The following GRIN3A variants were observed in gnomAD, a reference collection of about 807,000 sequenced individuals.
The protein encoded by GRIN3A is glutamate receptor ionotropic, NMDA 3A.
A neutral mutation model predicts 92.4 loss-of-function variants in GRIN3A; 47 were observed. The observed-to-expected ratio is 0.51, with a 90% CI of 0.40 to 0.65. The LOEUF (loss-of-function observed/expected upper bound fraction) is 0.65. Among genes scored for constraint, GRIN3A ranks in the 30% least tolerant of loss-of-function variants. The pLI is 0.00. For synonymous variants in GRIN3A, 527 were observed against 540.6 expected, an observed-to-expected ratio of 0.97 and a Z score of 0.35; for missense variants, 1,324 against 1,393.1, an observed-to-expected ratio of 0.95 and a Z score of 0.79.
At chr9:101,649,054 C>T (rs1205939829) in intron 3 of GRIN3A, among the ~76,000 whole-genome samples, 1 of 151,980 alleles carries the variant, frequency 6.6e-6, no homozygotes, top group Admixed American at 6.6e-5. Flanking sequence ...TAAATTGATG[C>T]CTTTCCATTG....
intron 3 of GRIN3A, among the ~76,000 whole-genome samples, chr9:101,668,461 C>A (rs1305632623): frequency 6.6e-6 from 1 of 151,928 alleles, no homozygotes; most frequent in Non-Finnish European, 1.5e-5. Context: ...ATCTAAGTTT[C>A]TAGTGAGGCT....
intron 2 of GRIN3A, among the ~76,000 whole-genome samples, chr9:101,681,209 G>C (rs1829462233): frequency 6.6e-6 from 1 of 152,140 alleles, no homozygotes; most frequent in Non-Finnish European, 1.5e-5. Context: ...TGCAGCAAGG[G>C]AGTAAATGTG....
chr9:101,695,403 C>G (rs1038626542), intron 1 of GRIN3A, among the ~76,000 whole-genome samples: 4 of 152,142 alleles, frequency 2.6e-5, no homozygotes, highest in South Asian at 2.1e-4. Context: ...AGGAATAAGA[C>G]AGTAGCAGAC....
chr9:101,701,899 C>T (rs1829760028), intron 1 of GRIN3A, among the ~76,000 whole-genome samples: 1 of 152,154 alleles, frequency 6.6e-6, no homozygotes, highest in Non-Finnish European at 1.5e-5. Context: ...CCTGAGATCT[C>T]CCACCAGCTT....
intron 3 of GRIN3A, among the ~76,000 whole-genome samples, chr9:101,656,897 CT>C (rs979957090): frequency 6.6e-6 from 1 of 151,740 alleles, no homozygotes; most frequent in African/African-American, 2.4e-5. Context: ...TGCCAGTTGC[CT>C]TTTTTTCTGG....
chr9:101,672,246 A>C (rs1297452765), intron 2 of GRIN3A, among the ~76,000 whole-genome samples: 1 of 152,180 alleles, frequency 6.6e-6, no homozygotes, highest in Non-Finnish European at 1.5e-5. Context: ...TACTTCCTTC[A>C]TTACAAGAGT....
At chr9:101,587,467 G>A (rs1827964718) in intron 6 of GRIN3A, among the ~76,000 whole-genome samples, 1 of 152,144 alleles carries the variant, frequency 6.6e-6, no homozygotes, top group Non-Finnish European at 1.5e-5. Context: ...AACGGGTGGA[G>A]CCTGTTTTAG....
intron 3 of GRIN3A, among the ~76,000 whole-genome samples, chr9:101,665,679 A>G (rs920670465): frequency 6.6e-6 from 1 of 151,960 alleles, no homozygotes; most frequent in Admixed American, 6.6e-5. Flanking sequence ...CAGAAAAACA[A>G]ATGTCCCAAA....
intron 1 of GRIN3A, among the ~76,000 whole-genome samples, chr9:101,715,342 G>T (rs1166802626): frequency 1.3e-5 from 2 of 152,210 alleles, no homozygotes; most frequent in East Asian, 1.9e-4. Flanking sequence ...CATATTAAAT[G>T]AAATAATCTA....
intron 2 of GRIN3A, among the ~76,000 whole-genome samples, chr9:101,680,573 A>T (rs1829455004): frequency 6.6e-6 from 1 of 152,224 alleles, no homozygotes; most frequent in Non-Finnish European, 1.5e-5. Context: ...TAGCACCAGC[A>T]GAGTATAATC....
intron 3 of GRIN3A, among the ~76,000 whole-genome samples, chr9:101,654,437 A>C (rs1829057149): frequency 6.6e-6 from 1 of 151,718 alleles, no homozygotes; most frequent in South Asian, 2.1e-4. Flanking sequence ...TGCATATCAT[A>C]TATATGTGTA....
intron 3 of GRIN3A, among the ~76,000 whole-genome samples, chr9:101,634,436 TATA>T (rs920708727): frequency 2.0e-5 from 3 of 150,600 alleles, no homozygotes; most frequent in African/African-American, 7.3e-5. Context: ...TATCTGAATA[TATA>T]ATAATAATAA....
At chr9:101,574,400 A>T (rs1427208840) in intron 8 of GRIN3A, among the ~76,000 whole-genome samples, 1 of 152,206 alleles carries the variant, frequency 6.6e-6, no homozygotes, top group Non-Finnish European at 1.5e-5. Context: ...TAGGAGAAGA[A>T]GCAGGAGGAG....
chr9:101,575,176 A>G (rs1827810727), intron 8 of GRIN3A, among the ~76,000 whole-genome samples: 1 of 152,206 alleles, frequency 6.6e-6, no homozygotes. Context: ...AACATGCCTC[A>G]TAGTCTAAGT....
chr9:101,627,213 G>A (rs188739255), intron 4 of GRIN3A, among the ~76,000 whole-genome samples: 39 of 152,278 alleles, frequency 2.6e-4, no homozygotes, highest in Non-Finnish European at 3.7e-4. Flanking sequence ...ATGTGTTGAT[G>A]TTCTTGCAAA....
At chr9:101,644,832 G>A (rs533768912) in intron 3 of GRIN3A, among the ~76,000 whole-genome samples, 6 of 151,632 alleles carry the variant, frequency 4.0e-5, no homozygotes, top group Admixed American at 1.3e-4. Context: ...CATTTTCTGG[G>A]GCAGAGCTTG....
At chr9:101,637,180 C>T (rs950587627) in intron 3 of GRIN3A, among the ~76,000 whole-genome samples, 7 of 152,062 alleles carry the variant, frequency 4.6e-5, no homozygotes, top group African/African-American at 1.7e-4. Context: ...GCAAGCTCCG[C>T]CTCCTGGGTT....
At chr9:101,594,783 G>T in intron 6 of GRIN3A, 1 of 1,613,724 alleles carries the variant, frequency 6.2e-7, no homozygotes, top group Non-Finnish European at 8.5e-7. Context: ...CGCAGCTCCG[G>T]CAGGGACATG....
At chr9:101,635,802 A>C (rs1214009836) in intron 3 of GRIN3A, among the ~76,000 whole-genome samples, 5 of 152,228 alleles carry the variant, frequency 3.3e-5, no homozygotes, top group African/African-American at 9.7e-5. Context: ...TTTAGATTCT[A>C]TCCCAGGGAC....
Sources: allele counts gnomAD v4.1 joint callset (sites outside exome capture counted in the v4.1 genomes callset), GRCh38; gene constraint gnomAD v4.1.1; transcripts MANE v1.5; gene names NCBI Gene and HGNC (gene_info 2026-07-23, HGNC 2026-07-21).